UHRF1: variants seen among roughly 807,000 people sequenced by gnomAD.
UHRF1 encodes the protein E3 ubiquitin-protein ligase UHRF1.
In UHRF1, 9 loss-of-function variants were observed where a neutral mutation model predicts 96.5. The observed-to-expected ratio is 0.09, with a 90% CI of 0.06 to 0.16. The LOEUF is 0.16. Among genes scored for constraint, UHRF1 ranks in the 10% least tolerant of loss-of-function variants. UHRF1 has a pLI of 1.00. For synonymous variants in UHRF1, 455 were observed against 469.9 expected (o/e 0.97, Z 0.41); for missense variants, 626 against 1,131.1 (o/e 0.55, Z 6.40).
chr19:4,920,834 C>T (rs1278403112), intron 2 of UHRF1, among the ~76,000 whole-genome samples: 1 of 151,996 alleles, frequency 6.6e-6, no homozygotes, highest in African/African-American at 2.4e-5. Flanking sequence ...GATAGAAAAT[C>T]GGTCAGGAGG....
chr19:4,916,367 C>CGG (rs1394478639), intron 2 of UHRF1, among the ~76,000 whole-genome samples: 2 of 152,032 alleles, frequency 1.3e-5, no homozygotes, highest in Non-Finnish European at 2.9e-5. Context: ...AAGACAAGCG[C>CGG]GCCCCCTCTT....
At chr19:4,943,906 C>T (rs996055063) in intron 7 of UHRF1, among the ~76,000 whole-genome samples, 7 of 152,192 alleles carry the variant, frequency 4.6e-5, no homozygotes, top group Non-Finnish European at 8.8e-5. Context: ...CCGCCTCGGC[C>T]TCCCAAAGTG....
rs2261988 is a variant in UHRF1 at position 4,910,877 on chromosome 19, G to T, written c.-9G>T. On this transcript the variant is annotated splice_region_variant and 5_prime_UTR_variant, in exon 2 of 17. Coordinates refer to ENST00000650932, the MANE Select transcript of UHRF1 (RefSeq NM_001048201.3). ...GGTTTTTGCTGTCCCTCCCCTCAGC[G>T]CCGACACCATGTGGATCCAGGTTCG... The T allele has an allele frequency of 0.34, 539,003 of 1,601,638 alleles. 93,713 individuals carry two copies. The highest frequency in any genetic ancestry group is 0.48 in the African/African-American group (35,867 of 74,444).
rs952995792 is a variant in UHRF1, at chr19:4,954,549, G to A, written c.1957+61G>A. 44 of 1,583,454 alleles carry A rather than the reference G, an allele frequency of 2.8e-5. 1 individual carries two copies. The Middle Eastern group carries it at 6.8e-4, about 24-fold the overall frequency. On this transcript the variant is annotated intron_variant, in intron 14 of 16. Coordinates refer to ENST00000650932, the MANE Select transcript of UHRF1 (RefSeq NM_001048201.3). This position sits in a 1 kb window ranked among gnomAD's most constrained non-coding sequence, Gnocchi z 5.9. ...GTGTGGGGGAGCAGGTGGGCATCTCGCGGGTGTGGGGTTGAGGTCGTGTGG... is the reference window on the plus strand; with the variant it reads ...GTGTGGGGGAGCAGGTGGGCATCTCACGGGTGTGGGGTTGAGGTCGTGTGG...
chr19:4,933,521 T>A (rs1306939134), intron 5 of UHRF1, among the ~76,000 whole-genome samples: 1 of 152,164 alleles, frequency 6.6e-6, no homozygotes, highest in Non-Finnish European at 1.5e-5. Context: ...GGCCTCAAGC[T>A]TTCTTTTTCT....
intron 2 of UHRF1, among the ~76,000 whole-genome samples, chr19:4,915,688 C>A (rs1008289837): frequency 2.0e-5 from 3 of 151,662 alleles, no homozygotes; most frequent in Admixed American, 6.6e-5. Context: ...CCAGCCTGGG[C>A]GACAGAGCAA....
At chr19:4,908,179 G>A (rs1384900592), upstream of UHRF1, among the ~76,000 whole-genome samples, 1 of 152,152 alleles carries the variant, frequency 6.6e-6, no homozygotes, top group Non-Finnish European at 1.5e-5. Context: ...CACCTGCAAA[G>A]TTGCAAAGTC....
intron 16 of UHRF1, among the ~76,000 whole-genome samples, chr19:4,957,559 T>C (rs2033891195): frequency 6.6e-6 from 1 of 152,090 alleles, no homozygotes; most frequent in Admixed American, 6.5e-5. Flanking sequence ...CCACCCGCCT[T>C]GGCCTCCCAA....
At chr19:4,920,850 G>A (rs1359779784) in intron 2 of UHRF1, among the ~76,000 whole-genome samples, 2 of 152,230 alleles carry the variant, frequency 1.3e-5, no homozygotes, top group African/African-American at 2.4e-5. Context: ...GGAGGGCCAC[G>A]CGCGGTGGCT....
At chr19:4,960,101 C>G (rs1162771304) in intron 16 of UHRF1, among the ~76,000 whole-genome samples, 1 of 152,160 alleles carries the variant, frequency 6.6e-6, no homozygotes, top group Non-Finnish European at 1.5e-5. Flanking sequence ...GATCTGCCCC[C>G]CTCGGCCTCC....
chr19:4,953,657 G>T (rs1251055505), intron 13 of UHRF1, among the ~76,000 whole-genome samples: 2 of 152,172 alleles, frequency 1.3e-5, no homozygotes, highest in Admixed American at 1.3e-4. Flanking sequence ...GTAGAGAGGG[G>T]ATCTTGCTAT....
At chr19:4,956,935 C>T in intron 16 of UHRF1, 122 bp downstream of exon 16, 1 of 730,376 alleles carries the variant, frequency 1.4e-6, no homozygotes, top group Non-Finnish European at 2.4e-6. Flanking sequence ...CACTCTGCAG[C>T]TTTTCTCGGG....
At position 4,932,835 on chromosome 19, in the gene UHRF1, G is replaced by A. The variant is rs762617165; in HGVS notation, c.664G>A (p.Val222Met). Residue 222 changes from valine (V) to methionine (M), a missense_variant, in exon 5 of 17, where the codon GTG becomes ATG. Val to Met is a conservative substitution (Grantham distance 21, BLOSUM62 1). Transcript: ENST00000650932. ...IKWQDLEVGQ[V>M]VMLNYNPDNP... is the part of the protein sequence containing the mutation. ...GTGGCAGGACCTGGAGGTGGGCCAG[G>A]TGGTCATGCTCAACTACAACCCCGA... 2 of 1,613,772 alleles carry A rather than the reference G, an allele frequency of 1.2e-6. No individual in the cohort carries two copies. Among genetic ancestry groups the A allele is most frequent in the African/African-American group, 2.7e-5 (2 of 74,940 alleles).
intron 9 of UHRF1, 80 bp downstream of exon 9, chr19:4,944,530 C>A (rs1187802747): frequency 2.1e-5 from 31 of 1,506,810 alleles, no homozygotes; most frequent in Non-Finnish European, 2.9e-5. Flanking sequence ...TGGCTTTGGC[C>A]AGCCAGGGGT....
upstream of UHRF1, among the ~76,000 whole-genome samples, chr19:4,906,624 G>A (rs887357248): frequency 3.3e-5 from 5 of 152,064 alleles, no homozygotes; most frequent in Admixed American, 6.6e-5. Flanking sequence ...ATGGTGGTGC[G>A]GACCTCTAGT....
At chr19:4,919,711 A>T (rs7255450) in intron 2 of UHRF1, among the ~76,000 whole-genome samples, 9,917 of 152,180 alleles carry the variant, frequency 0.065, 521 homozygotes, top group African/African-American at 0.14. Flanking sequence ...GTTAGGGCTG[A>T]GGTGGTGTCA....
intron 2 of UHRF1, among the ~76,000 whole-genome samples, chr19:4,913,532 G>T (rs1404098067): frequency 6.6e-6 from 1 of 152,054 alleles, no homozygotes; most frequent in Non-Finnish European, 1.5e-5. Context: ...TGGGATTACA[G>T]GTGTGAACCA....
chr19:4,959,378 CTG>C (rs1448561358), intron 16 of UHRF1, among the ~76,000 whole-genome samples: 2 of 152,176 alleles, frequency 1.3e-5, no homozygotes, highest in African/African-American at 4.8e-5. Context: ...GGGCAGGTGA[CTG>C]TGCTGTGGTC....
In UHRF1 at chr19:4,909,621, C is replaced by G; in HGVS notation, c.-45C>G. ...TCGCCATCCCCAGCCGGGCCACGCG[C>G]GCAGGCAGACAAGCTGTTCGCGGCG... On this transcript the variant is annotated 5_prime_UTR_variant, in exon 1 of 17. Coordinates refer to ENST00000650932, the MANE Select transcript of UHRF1 (RefSeq NM_001048201.3). 1 of 613,868 alleles carries G rather than the reference C, an allele frequency of 1.6e-6. No homozygotes were observed. The highest frequency in any genetic ancestry group is 2.9e-6 in the Non-Finnish European group (1 of 347,340). 38.0% of individuals were successfully genotyped at this position (613,868 alleles called of 1,614,324 possible). A position where few individuals can be genotyped will look rare whatever the true frequency, so the allele number is the denominator to read the frequency against.
Sources: gnomAD v4.1 joint callset for allele counts (sites outside exome capture counted in the v4.1 genomes callset) on GRCh38, gnomAD v4.1.1 for gene constraint, Gnocchi (gnomAD v3.1) non-coding constraint, MANE v1.5 for transcripts, NCBI Gene and HGNC (gene_info 2026-07-23, HGNC 2026-07-21) for gene names.